The following EPRS1 variants were observed in gnomAD, a reference collection of about 807,000 sequenced individuals.
The protein encoded by EPRS1 is glutamyl-prolyl-tRNA synthetase 1.
In EPRS1, 107 loss-of-function variants were observed where a neutral mutation model predicts 188.3. The ratio of observed to expected loss-of-function variants is 0.57; its 90% CI spans 0.49 to 0.67. The LOEUF is 0.67. Ranked by LOEUF, EPRS1 falls within the 30% of genes least tolerant of loss-of-function variation. The pLI is 0.00. For missense variants in EPRS1, 1,577 were observed against 1,802.2 expected (o/e 0.88, Z 2.26); for synonymous variants, 596 against 593.1 (o/e 1.00, Z -0.07).
chr1:220,033,734 T>A, intron 3 of EPRS1, 76 bp from the exon 4 acceptor site: 1 of 1,057,768 alleles, frequency 9.5e-7, no homozygotes. Context: ...AAAAAAATTC[T>A]AGTTAACTAG....
Position 219,979,604 on chromosome 1 carries a change from T to G in EPRS1, c.3723A>C (p.Ser1241=). The change falls in exon 27 of 32, where the codon TCA becomes TCC. Residue 1241 remains serine (S), a synonymous_variant. Coordinates refer to ENST00000366923, the MANE Select transcript of EPRS1 (RefSeq NM_004446.3). ...ASGRAIQGGT[S]HHLGQNFSKM... Reference sequence around the variant, plus strand: ...TGGAAAAATTCTGCCCTAAATGATGTGATGTTCCTCCCTAAAATAGAGAGA... The same window carrying G: ...TGGAAAAATTCTGCCCTAAATGATGGGATGTTCCTCCCTAAAATAGAGAGA... 1 of 1,610,620 alleles carries G rather than the reference T, an allele frequency of 6.2e-7. No individual in the cohort carries two copies. The highest frequency in any genetic ancestry group is 8.5e-7 in the Non-Finnish European group (1 of 1,176,906).
chr1:219,982,337 T>C (rs1349694084), intron 23 of EPRS1, among the ~76,000 whole-genome samples: 1 of 152,190 alleles, frequency 6.6e-6, no homozygotes, highest in Non-Finnish European at 1.5e-5. Flanking sequence ...CACAACACTG[T>C]TGTAAGAATA....
At chr1:220,011,532 T>G (rs1385796208) in intron 12 of EPRS1, among the ~76,000 whole-genome samples, 1 of 152,208 alleles carries the variant, frequency 6.6e-6, no homozygotes, top group African/African-American at 2.4e-5. Flanking sequence ...AGAATAGCAT[T>G]CGGTCACTAT....
chr1:219,985,195 G>A (rs1660983943), intron 20 of EPRS1, among the ~76,000 whole-genome samples: 1 of 151,988 alleles, frequency 6.6e-6, no homozygotes, highest in Non-Finnish European at 1.5e-5. Flanking sequence ...TCTTTTTAAG[G>A]CAATGTATTT....
In EPRS1 at chr1:220,004,431, T is replaced by C. The variant is rs548410215; in HGVS notation, c.2063+817A>G. Among the ~76,000 whole-genome samples the C allele has an allele frequency of 3.3e-4, 50 of 152,148 alleles. 1 individual carries two copies. Among genetic ancestry groups the C allele is most frequent in the Middle Eastern group, 3.4e-3 (1 of 294 alleles). On this transcript the variant is annotated intron_variant, in intron 16 of 31. Coordinates refer to ENST00000366923, the MANE Select transcript of EPRS1 (RefSeq NM_004446.3). ...ATGTGAAAACTGAACAGAAAAAGGATGAAATTGGAGGCAAGGAGATACCTG... is the reference window on the plus strand; with the variant it reads ...ATGTGAAAACTGAACAGAAAAAGGACGAAATTGGAGGCAAGGAGATACCTG...
At chr1:219,981,316 T>C (rs1437002039) in intron 24 of EPRS1, 62 bp downstream of exon 24, 2 of 1,051,014 alleles carry the variant, frequency 1.9e-6, no homozygotes, top group Non-Finnish European at 2.6e-6. Context: ...AAAATGTGCT[T>C]TAAAAAAAAA....
chr1:219,972,223 A>G, intron 29 of EPRS1, 76 bp from the exon 30 acceptor site: 1 of 919,480 alleles, frequency 1.1e-6, no homozygotes, highest in Non-Finnish European at 1.7e-6. Flanking sequence ...ACATAAGCAC[A>G]ATTTAATGAA....
At chr1:220,011,627 A>C (rs1661605819) in intron 12 of EPRS1, among the ~76,000 whole-genome samples, 1 of 152,240 alleles carries the variant, frequency 6.6e-6, no homozygotes, top group African/African-American at 2.4e-5. Flanking sequence ...TATATAGACC[A>C]GTATATTCTC....
chr1:220,042,005 T>C (rs917158452), intron 1 of EPRS1, among the ~76,000 whole-genome samples: 1 of 151,616 alleles, frequency 6.6e-6, no homozygotes, highest in Non-Finnish European at 1.5e-5. Context: ...CGAAAGGACA[T>C]AGAGTCTCTA....
At chr1:219,982,702 G>A in intron 23 of EPRS1, 70 bp downstream of exon 23, 1 of 1,227,944 alleles carries the variant, frequency 8.1e-7, no homozygotes, top group Non-Finnish European at 1.2e-6. Context: ...AGCAAAAGCT[G>A]AGACTCAACT....
intron 27 of EPRS1, among the ~76,000 whole-genome samples, chr1:219,979,102 G>A (rs1660841180): frequency 6.6e-6 from 1 of 152,164 alleles, no homozygotes; most frequent in Non-Finnish European, 1.5e-5. Context: ...CAATCTGCCC[G>A]CCTTGGCGTC....
chr1:220,014,066 G>A (rs1469588321), intron 12 of EPRS1, among the ~76,000 whole-genome samples: 5 of 152,138 alleles, frequency 3.3e-5, no homozygotes, highest in Non-Finnish European at 5.9e-5. Flanking sequence ...AGTGGCTCAC[G>A]CCTGTAATCC....
At chr1:220,040,290 T>TAAAAAATC in intron 1 of EPRS1, 21 bp from the exon 2 acceptor site, 1 of 1,453,808 alleles carries the variant, frequency 6.9e-7, no homozygotes, top group Non-Finnish European at 9.6e-7. Flanking sequence ...TATGAAAAGA[T>TAAAAAATC]TTTTTATCTT....
chr1:220,039,882 G>A (rs541983744), intron 2 of EPRS1, among the ~76,000 whole-genome samples: 1 of 152,334 alleles, frequency 6.6e-6, no homozygotes, highest in African/African-American at 2.4e-5. Flanking sequence ...TTTAACCCTA[G>A]TGCTTTGGGA....
At chr1:220,038,164 C>A (rs1293068369) in intron 2 of EPRS1, among the ~76,000 whole-genome samples, 1 of 149,028 alleles carries the variant, frequency 6.7e-6, no homozygotes, top group East Asian at 2.0e-4. Context: ...CTCACTGCAA[C>A]CTCCACCTCC....
chr1:220,020,330 G>T, intron 9 of EPRS1, 109 bp from the exon 10 acceptor site: 1 of 739,078 alleles, frequency 1.4e-6, no homozygotes, highest in Non-Finnish European at 2.1e-6. Context: ...CAAGTTAAGA[G>T]ATTCTTAAAA....
At chr1:219,983,885 TC>T (rs1206339748) in intron 21 of EPRS1, among the ~76,000 whole-genome samples, 2 of 98,664 alleles carry the variant, frequency 2.0e-5, no homozygotes, top group East Asian at 3.1e-4. Context: ...AGACTGATAC[TC>T]CCGTCTCAAA....
At position 220,025,230 on chromosome 1, in the gene EPRS1, C is replaced by T. The variant is rs1661950741; in HGVS notation, c.652G>A (p.Ala218Thr). Residue 218 changes from alanine to threonine, a missense_variant, in exon 7 of 32, where the codon GCT (alanine) becomes ACT (threonine). Physicochemically the swap from Ala to Thr is moderately conservative, Grantham distance 58. Coordinates refer to ENST00000366923, the MANE Select transcript of EPRS1 (RefSeq NM_004446.3). ...ACCTGGTAGTGCTGGTTCAGAAGAG[C>T]AGCTTTTGCATGCCCAATGTGTAAG... is the stretch of plus-strand genomic sequence containing the variant. ...GYLHIGHAKA[A>T]LLNQHYQVNF... is the part of the protein sequence containing the mutation. 3 of 1,610,124 alleles carry T rather than the reference C, an allele frequency of 1.9e-6. No homozygotes were observed. The highest frequency in any genetic ancestry group is 2.5e-6 in the Non-Finnish European group (3 of 1,178,310).
At chr1:220,001,276 C>T (rs756645113) in intron 16 of EPRS1, 21 bp from the exon 17 acceptor site, 3 of 1,431,688 alleles carry the variant, frequency 2.1e-6, no homozygotes, top group South Asian at 1.1e-5. Context: ...AATAAAGGGA[C>T]AAAATAGTTT....
Sources: allele counts gnomAD v4.1 joint callset (sites outside exome capture counted in the v4.1 genomes callset), GRCh38; gene constraint gnomAD v4.1.1; transcripts MANE v1.5; gene names NCBI Gene and HGNC (gene_info 2026-07-23, HGNC 2026-07-21).